Variants in TCERG1 observed in about 807,000 individuals in gnomAD.
TCERG1 encodes the protein transcription elongation regulator 1.
TCERG1 carries 37 observed loss-of-function variants against 144.7 expected under a neutral mutation model. The observed-to-expected ratio is 0.26, with a 90% CI of 0.20 to 0.34. The LOEUF is 0.34. Among genes scored for constraint, TCERG1 ranks in the 10% least tolerant of loss-of-function variants. TCERG1 has a pLI of 1.00. For missense variants in TCERG1, 1,027 were observed against 1,380.7 expected, an observed-to-expected ratio of 0.74 and a Z score of 4.06; for synonymous variants, 492 against 458.2, an observed-to-expected ratio of 1.07 and a Z score of -0.94.
Position 146,507,392 on chromosome 5 carries a change from G to A in TCERG1, c.2961+185G>A. ...ATTTATTTAGAAATGCCTATTCTTTGCAGTTTTCACATTCATAACTGCTCC... is the reference window on the plus strand; with the variant it reads ...ATTTATTTAGAAATGCCTATTCTTTACAGTTTTCACATTCATAACTGCTCC... On this transcript the variant is annotated intron_variant, in intron 20 of 22. Coordinates refer to ENST00000679501, the MANE Select transcript of TCERG1 (RefSeq NM_001382548.1). The surrounding 1 kb of genome is among the most constrained non-coding windows in gnomAD (Gnocchi z 4.6). 1 of 563,304 alleles carries A rather than the reference G, an allele frequency of 1.8e-6. No individual in the cohort carries two copies. The highest frequency in any genetic ancestry group is 2.9e-6 in the Non-Finnish European group (1 of 346,148). The allele number at this position is 563,304 out of a possible 1,614,324, so 34.9% of individuals were successfully genotyped here.
rs574117794 is a variant in TCERG1, at chr5:146,484,856, C to T, written c.2163+1227C>T. On this transcript the variant is annotated intron_variant, in intron 15 of 22. Transcript: ENST00000679501. ...CCCCCATTAACACCCTAATCCAAGC[C>T]ACCATAAACAACCCTTATCATCTGT... Among the ~76,000 whole-genome samples the T allele has an allele frequency of 7.9e-5, 12 of 152,228 alleles. No individual in the cohort carries two copies. In the South Asian group the frequency reaches 2.5e-3, roughly 32 times the overall value.
At chr5:146,488,120 A>G (rs951174556) in intron 15 of TCERG1, among the ~76,000 whole-genome samples, 3 of 152,166 alleles carry the variant, frequency 2.0e-5, no homozygotes, top group African/African-American at 4.8e-5. Context: ...TCAAAGACCT[A>G]CATATATGAC....
intron 9 of TCERG1, among the ~76,000 whole-genome samples, chr5:146,474,560 C>CA (rs1277106359): frequency 6.6e-6 from 1 of 152,142 alleles, no homozygotes; most frequent in Non-Finnish European, 1.5e-5. Flanking sequence ...AAAATGCTAT[C>CA]AAACAGCATT....
chr5:146,504,925 A>C (rs2150894931), intron 19 of TCERG1, among the ~76,000 whole-genome samples: 1 of 152,238 alleles, frequency 6.6e-6, no homozygotes, highest in Admixed American at 6.5e-5. Flanking sequence ...GCGTGCCTGT[A>C]GTCCCAGCTA....
chr5:146,507,039 A>G lies in TCERG1; in HGVS notation c.2793A>G (p.Ser931=). Reference sequence around the variant, plus strand: ...TTTTTTCTCTTCAGGTACGTTCTTCAGATGTGTCATGGTCTGATACTCGTA... The same window carrying G: ...TTTTTTCTCTTCAGGTACGTTCTTCGGATGTGTCATGGTCTGATACTCGTA... ...KALLSDMVRS[S]DVSWSDTRRT... Residue 931 remains serine, a synonymous_variant, in exon 20 of 23, where the codon TCA becomes TCG. Coordinates refer to ENST00000679501, the MANE Select transcript of TCERG1 (RefSeq NM_001382548.1). The surrounding 1 kb of genome is among the most constrained non-coding windows in gnomAD (Gnocchi z 4.6). 1 of 1,577,514 alleles carries G rather than the reference A, an allele frequency of 6.3e-7. No homozygotes were observed. The highest frequency in any genetic ancestry group is 1.2e-5 in the South Asian group (1 of 83,476).
chr5:146,447,860 C>T (rs1388607294), intron 1 of TCERG1, among the ~76,000 whole-genome samples: 1 of 152,274 alleles, frequency 6.6e-6, no homozygotes, highest in Middle Eastern at 3.2e-3. Flanking sequence ...TTCTCCACGC[C>T]CTCCGCGGCT....
intron 16 of TCERG1, among the ~76,000 whole-genome samples, chr5:146,493,906 G>A (rs757852486): frequency 1.1e-4 from 17 of 152,004 alleles, no homozygotes; most frequent in African/African-American, 1.2e-4. Flanking sequence ...GGGTTAAATG[G>A]CACTTATTAT....
intron 15 of TCERG1, among the ~76,000 whole-genome samples, chr5:146,487,922 A>G (rs556843229): frequency 1.3e-5 from 2 of 152,188 alleles, no homozygotes; most frequent in East Asian, 3.9e-4. Context: ...AAAGGAACAG[A>G]ATAGGGAACT....
At chr5:146,498,496 A>G in intron 16 of TCERG1, 40 bp from the exon 17 acceptor site, 1 of 1,572,458 alleles carries the variant, frequency 6.4e-7, no homozygotes, top group South Asian at 1.2e-5. Context: ...TACAAGCAGA[A>G]GTAACTGCCA....
At chr5:146,460,282 A>G (rs1383942032) in intron 4 of TCERG1, among the ~76,000 whole-genome samples, 1 of 152,102 alleles carries the variant, frequency 6.6e-6, no homozygotes, top group Non-Finnish European at 1.5e-5. Flanking sequence ...TTTGCTTAAA[A>G]GATTGTTATT....
At chr5:146,470,408 T>C (rs1764181679) in intron 7 of TCERG1, among the ~76,000 whole-genome samples, 1 of 152,220 alleles carries the variant, frequency 6.6e-6, no homozygotes, top group Non-Finnish European at 1.5e-5. Context: ...AGATTTAATG[T>C]GCCTTCGAAG....
At position 146,463,711 on chromosome 5, in the gene TCERG1, A is replaced by G; in HGVS notation, c.1053A>G (p.Pro351=). 6.2e-7 allele frequency: 1 copy of G among 1,614,218 alleles called. No homozygotes were observed. The highest frequency in any genetic ancestry group is 8.5e-7 in the Non-Finnish European group (1 of 1,180,036). ...CTGTTCCTCATTCAGTACCTCAGCC[A>G]ACAACAGCAATACCTGCTTTTCCAC... is the stretch of plus-strand genomic sequence containing the variant. ...PPAVPHSVPQ[P]TTAIPAFPPV... is the part of the protein sequence containing the mutation. The change falls in exon 5 of 23, where the codon CCA becomes CCG. Residue 351 remains proline (P), a synonymous_variant. Transcript: ENST00000679501.
intron 3 of TCERG1, among the ~76,000 whole-genome samples, chr5:146,458,438 A>G (rs543837056): frequency 1.3e-5 from 2 of 151,462 alleles, no homozygotes; most frequent in African/African-American, 4.9e-5. Context: ...TCAGCCTCCC[A>G]AAGTGCTGGG....
chr5:146,490,513 G>A (rs1766297947), intron 15 of TCERG1, among the ~76,000 whole-genome samples: 1 of 152,152 alleles, frequency 6.6e-6, no homozygotes, highest in Non-Finnish European at 1.5e-5. Context: ...TGCTTCTAGT[G>A]TTCGTTGTTT....
intron 22 of TCERG1, among the ~76,000 whole-genome samples, chr5:146,509,635 A>G (rs1299520469): frequency 6.6e-6 from 1 of 152,138 alleles, no homozygotes; most frequent in Non-Finnish European, 1.5e-5. Flanking sequence ...TGGTTAGATC[A>G]TTCTAAAGCA....
In TCERG1 at chr5:146,459,072, T is replaced by TCAGGCC; in HGVS notation, c.660_665dup (p.Ala241_Gln242dup). ...CACAAGCTCAGGCCCAGGCTCAGGC[T>TCAGGCC]CAGGCCCAGGCCCAGGCCCAGGCCC... On this transcript the variant is annotated inframe_insertion, in exon 4 of 23. Transcript: ENST00000679501. 1,872 of 1,606,124 alleles carry TCAGGCC rather than the reference T, an allele frequency of 1.2e-3. 11 individuals carry two copies. The East Asian group carries it at 0.015, about 13-fold the overall frequency.
Position 146,458,990 on chromosome 5 carries a change from A to G in TCERG1, c.545A>G (p.Gln182Arg), listed in dbSNP as rs1348852165. ...ELTPMLAAQA[Q>R]VQAQAQAQAQ... is the part of the protein sequence containing the mutation. ...ACACCTATGCTTGCAGCCCAGGCAC[A>G]GGTTCAGGCTCAGGCCCAGGCGCAG... Residue 182 changes from glutamine (Q) to arginine (R), a missense_variant, in exon 4 of 23, where the codon CAG (glutamine) becomes CGG (arginine). Physicochemically the swap from Gln to Arg is conservative, Grantham distance 43 (BLOSUM62 1). Around this residue, in one of 6 missense-constraint regions of TCERG1, gnomAD observed 48 missense variants for 80.9 expected, o/e 0.59. Transcript: ENST00000679501. 1 of 1,613,954 alleles carries G rather than the reference A, an allele frequency of 6.2e-7. No individual in the cohort carries two copies. The highest frequency in any genetic ancestry group is 8.5e-7 in the Non-Finnish European group (1 of 1,179,896).
rs750024283 is a variant in TCERG1, at chr5:146,509,126, T to G, written c.3046-19T>G. The stretch of plus-strand genomic sequence containing the variant: ...GGGTTTTATTTCCATAATCTCAACT[T>G]TTTTTTTTTTATTAACAGAAAAAAC... On this transcript the variant is annotated intron_variant, in intron 21 of 22. Coordinates refer to ENST00000679501, the MANE Select transcript of TCERG1 (RefSeq NM_001382548.1). 7.1e-7 allele frequency: 1 copy of G among 1,410,844 alleles called. No homozygotes were observed. Among genetic ancestry groups the G allele is most frequent in the African/African-American group, 1.5e-5 (1 of 68,326 alleles). 87.4% of individuals were successfully genotyped at this position (1,410,844 alleles called of 1,614,324 possible). A position where few individuals can be genotyped will look rare whatever the true frequency, so the allele number is the denominator to read the frequency against.
chr5:146,460,746 C>T (rs1026599412), intron 4 of TCERG1, among the ~76,000 whole-genome samples: 1 of 152,038 alleles, frequency 6.6e-6, no homozygotes, highest in East Asian at 1.9e-4. Context: ...CATTTTGTAG[C>T]GGGGGAATGT....
Sources: gnomAD v4.1 joint callset for allele counts (sites outside exome capture counted in the v4.1 genomes callset) on GRCh38, gnomAD v4.1.1 for gene constraint, gnomAD v4.1.1 regional missense constraint, Gnocchi (gnomAD v3.1) non-coding constraint, MANE v1.5 for transcripts, NCBI Gene and HGNC (gene_info 2026-07-23, HGNC 2026-07-21) for gene names.